PRUNE2: variants seen among roughly 807,000 people sequenced by gnomAD.
PRUNE2 encodes the protein prune homolog 2 with BCH domain, also known as protein prune homolog 2.
Under a neutral mutation model 252.0 loss-of-function variants are expected in PRUNE2, and 164 were observed. The ratio of observed to expected loss-of-function variants is 0.65; its 90% confidence interval spans 0.57 to 0.74. PRUNE2 has a LOEUF of 0.74. Among genes scored for constraint, PRUNE2 ranks in the 30% least tolerant of loss-of-function variants. The probability of loss-of-function intolerance (pLI) is 0.00; values close to 1 mark genes in which losing one functional copy is unlikely to be tolerated. For synonymous variants in PRUNE2, 1,292 were observed against 1,350.2 expected (o/e 0.96, Z 0.94); for missense variants, 3,495 against 3,711.0 (o/e 0.94, Z 1.51).
At chr9:76,671,714 C>T (rs2041516804) in intron 9 of PRUNE2, among the ~76,000 whole-genome samples, 1 of 151,420 alleles carries the variant, frequency 6.6e-6, no homozygotes, top group Admixed American at 6.6e-5. Context: ...TCGGCAGAAA[C>T]CCTACAAGCC....
chr9:76,719,320 G>C (rs2047425535), intron 6 of PRUNE2, among the ~76,000 whole-genome samples: 1 of 151,856 alleles, frequency 6.6e-6, no homozygotes, highest in Middle Eastern at 3.2e-3. Flanking sequence ...TATACCAATG[G>C]AAAAACTGTT....
rs600859 is a variant in PRUNE2, at chr9:76,710,642, G to A, written c.1632C>T (p.Thr544=). 2.8e-3 allele frequency: 4,553 copies of A among 1,612,210 alleles called. 105 individuals carry two copies. In the African/African-American group the frequency reaches 0.055, roughly 19 times the overall value. ...AGPEGLDGMG[T]NMSNYSSSSL... Reference sequence around the variant, plus strand: ...AACTGGATGAATAATTAGACATGTTGGTTCCCATGCCATCAAGTCCTTCAG... The same window carrying A: ...AACTGGATGAATAATTAGACATGTTAGTTCCCATGCCATCAAGTCCTTCAG... Residue 544 remains threonine, a synonymous_variant, in exon 8 of 19, where the codon ACC becomes ACT. Coordinates refer to ENST00000376718, the MANE Select transcript of PRUNE2 (RefSeq NM_015225.3).
At chr9:76,665,928 T>C (rs962774887) in intron 9 of PRUNE2, among the ~76,000 whole-genome samples, 7 of 152,160 alleles carry the variant, frequency 4.6e-5, no homozygotes, top group Non-Finnish European at 8.8e-5. Flanking sequence ...ACAAGAATTA[T>C]ACTAGATCTA....
chr9:76,824,245 C>T (rs1488382495), intron 5 of PRUNE2, among the ~76,000 whole-genome samples: 1 of 152,072 alleles, frequency 6.6e-6, no homozygotes, highest in Non-Finnish European at 1.5e-5. Context: ...ACTTAGGGGT[C>T]CACCTCTGGA....
At chr9:76,714,127 A>T (rs2046954507) in intron 6 of PRUNE2, among the ~76,000 whole-genome samples, 1 of 151,946 alleles carries the variant, frequency 6.6e-6, no homozygotes, top group South Asian at 2.1e-4. Flanking sequence ...TTCTTCCTGT[A>T]TTTTTTTTCT....
At chr9:76,746,999 T>G (rs1437568637) in intron 6 of PRUNE2, among the ~76,000 whole-genome samples, 1 of 152,222 alleles carries the variant, frequency 6.6e-6, no homozygotes, top group Admixed American at 6.5e-5. Flanking sequence ...AACCCCAATT[T>G]ATGCCCAGTG....
intron 6 of PRUNE2, among the ~76,000 whole-genome samples, chr9:76,743,582 T>A (rs912928275): frequency 6.6e-6 from 1 of 152,206 alleles, no homozygotes; most frequent in Non-Finnish European, 1.5e-5. Context: ...AGAGGGACAG[T>A]CATGTCCCAA....
At chr9:76,754,438 A>T (rs979073900) in intron 6 of PRUNE2, among the ~76,000 whole-genome samples, 3 of 152,206 alleles carry the variant, frequency 2.0e-5, no homozygotes, top group Admixed American at 6.5e-5. Flanking sequence ...TCATCTATCC[A>T]TGAACGTCCC....
intron 6 of PRUNE2, among the ~76,000 whole-genome samples, chr9:76,816,438 CT>C (rs2131833228): frequency 6.6e-6 from 1 of 152,226 alleles, no homozygotes; most frequent in Non-Finnish European, 1.5e-5. Flanking sequence ...CGAAAGTCCA[CT>C]TTTCTGGGTC....
At chr9:76,871,261 T>C (rs1264476547) in intron 1 of PRUNE2, among the ~76,000 whole-genome samples, 1 of 152,228 alleles carries the variant, frequency 6.6e-6, no homozygotes, top group South Asian at 2.1e-4. Context: ...ATATGCGGAC[T>C]TTTTTCTTGT....
At chr9:76,872,844 T>C (rs558976116) in intron 1 of PRUNE2, among the ~76,000 whole-genome samples, 28 of 152,292 alleles carry the variant, frequency 1.8e-4, no homozygotes, top group South Asian at 8.3e-4. Flanking sequence ...CTTCCCCAAA[T>C]ACATATGTTG....
At chr9:76,878,502 G>A (rs937139130) in intron 1 of PRUNE2, among the ~76,000 whole-genome samples, 2 of 152,204 alleles carry the variant, frequency 1.3e-5, no homozygotes, top group African/African-American at 4.8e-5. Context: ...GAGAAGCTCT[G>A]TTGACTATTC....
intron 1 of PRUNE2, among the ~76,000 whole-genome samples, chr9:76,905,102 T>C (rs1395905214): frequency 4.6e-5 from 7 of 152,234 alleles, no homozygotes; most frequent in African/African-American, 1.7e-4. Flanking sequence ...TTTCTTTTTT[T>C]TTCTGCCAAA....
intron 4 of PRUNE2, 124 bp downstream of exon 4, chr9:76,846,391 G>A: frequency 1.4e-6 from 1 of 721,332 alleles, no homozygotes; most frequent in African/African-American, 1.7e-5. Context: ...CCTCTCTGAT[G>A]AAGCTTCCCG....
chr9:76,885,013 G>A (rs1325465681), intron 1 of PRUNE2, among the ~76,000 whole-genome samples: 1 of 152,214 alleles, frequency 6.6e-6, no homozygotes, highest in African/African-American at 2.4e-5. Flanking sequence ...CACTGAAGAG[G>A]TGTGTCTGGT....
At chr9:76,684,753 C>G (rs1292302118) in intron 9 of PRUNE2, among the ~76,000 whole-genome samples, 1 of 152,120 alleles carries the variant, frequency 6.6e-6, no homozygotes, top group Non-Finnish European at 1.5e-5. Flanking sequence ...ACTTCTGCCT[C>G]TTATTTATTT....
At chr9:76,823,902 G>A (rs969839675) in intron 5 of PRUNE2, among the ~76,000 whole-genome samples, 176 bp from the exon 6 acceptor site, 13 of 152,000 alleles carry the variant, frequency 8.6e-5, no homozygotes, top group Non-Finnish European at 1.9e-4. Flanking sequence ...CATCACGTCT[G>A]CATCAGTTAG....
intron 6 of PRUNE2, among the ~76,000 whole-genome samples, chr9:76,723,463 G>T (rs545863824): frequency 2.6e-5 from 4 of 152,286 alleles, no homozygotes; most frequent in African/African-American, 9.6e-5. Flanking sequence ...ATTGCCAGAG[G>T]GGAGTAGAGA....
chr9:76,831,984 C>T (rs986284182), intron 4 of PRUNE2, among the ~76,000 whole-genome samples: 3 of 152,092 alleles, frequency 2.0e-5, no homozygotes, highest in African/African-American at 4.8e-5. Context: ...TCAAACAAAA[C>T]GGACTACAAA....
Sources: allele counts gnomAD v4.1 joint callset (sites outside exome capture counted in the v4.1 genomes callset), GRCh38; gene constraint gnomAD v4.1.1; transcripts MANE v1.5; gene names NCBI Gene and HGNC (gene_info 2026-07-23, HGNC 2026-07-21).